KCNAB1: variants seen among roughly 807,000 people sequenced by gnomAD.
The protein encoded by KCNAB1 is potassium voltage-gated channel subfamily A regulatory beta subunit 1.
KCNAB1 carries 35 observed loss-of-function variants against 64.6 expected under a neutral mutation model. That is an observed-to-expected ratio of 0.54 (90% CI 0.41 to 0.72). KCNAB1 has a LOEUF of 0.72. KCNAB1 is among the 30% of genes least tolerant of loss of function. The probability of loss-of-function intolerance (pLI) is 0.00; values close to 1 mark genes in which losing one functional copy is unlikely to be tolerated. For missense variants in KCNAB1, 401 were observed against 512.9 expected, an observed-to-expected ratio of 0.78 and a Z score of 2.11; for synonymous variants, 177 against 183.8, an observed-to-expected ratio of 0.96 and a Z score of 0.30.
chr3:156,518,375 G>C (rs1000073000), intron 11 of KCNAB1, among the ~76,000 whole-genome samples: 1 of 151,796 alleles, frequency 6.6e-6, no homozygotes, highest in South Asian at 2.1e-4. Context: ...CTTGAGTATC[G>C]TTACCAGAGC....
At chr3:156,259,523 T>C (rs142256500) in intron 1 of KCNAB1, among the ~76,000 whole-genome samples, 229 of 152,270 alleles carry the variant, frequency 1.5e-3, no homozygotes, top group Non-Finnish European at 2.6e-3. Context: ...TGCTAAGGGC[T>C]GGGAGAAACA....
At chr3:156,367,043 G>A (rs973025191) in intron 1 of KCNAB1, among the ~76,000 whole-genome samples, 16 of 152,100 alleles carry the variant, frequency 1.1e-4, no homozygotes, top group Non-Finnish European at 7.3e-5. Flanking sequence ...ACCTGGGCAG[G>A]TTGATTAGAT....
At chr3:156,215,716 A>C (rs1475909186) in intron 1 of KCNAB1, 2 of 152,314 alleles carry the variant, frequency 1.3e-5, no homozygotes, top group East Asian at 3.8e-4. Flanking sequence ...AACATCCACC[A>C]CTGCAGTGGC....
rs1577624282 is a variant in KCNAB1, at chr3:156,137,686, C to T, written c.275+16800C>T. 2.6e-5 allele frequency among the ~76,000 whole-genome samples: 4 copies of T among 151,154 alleles called. No homozygotes were observed. In the South Asian group the frequency reaches 6.3e-4, roughly 24 times the overall value. ...TCAGCCTTCCAAGTAGCTGGGATTA[C>T]AGGCACCCGCTACCACGTCTGGCTA... On this transcript the variant is annotated intron_variant, in intron 1 of 13. Transcript: ENST00000490337.
At chr3:156,506,453 G>A (rs1716841630) in intron 8 of KCNAB1, among the ~76,000 whole-genome samples, 1 of 151,392 alleles carries the variant, frequency 6.6e-6, no homozygotes, top group African/African-American at 2.4e-5. Flanking sequence ...ATCATATTTG[G>A]GCAATATCAA....
intron 1 of KCNAB1, among the ~76,000 whole-genome samples, chr3:156,165,617 T>A (rs1711525782): frequency 6.6e-6 from 1 of 152,228 alleles, no homozygotes; most frequent in Admixed American, 6.5e-5. Flanking sequence ...GAAGTTTTAC[T>A]CCATTGATCA....
chr3:156,500,357 A>G (rs1716316571), intron 8 of KCNAB1, among the ~76,000 whole-genome samples: 1 of 152,220 alleles, frequency 6.6e-6, no homozygotes, highest in South Asian at 2.1e-4. Context: ...CTGCATTTCC[A>G]GTGACATGAG....
At chr3:156,139,358 G>C (rs934868859) in intron 1 of KCNAB1, among the ~76,000 whole-genome samples, 9 of 152,096 alleles carry the variant, frequency 5.9e-5, no homozygotes, top group Admixed American at 5.9e-4. Flanking sequence ...GGGACACATG[G>C]GAGAGGGCTC....
At chr3:156,195,185 T>C (rs926604567) in intron 1 of KCNAB1, among the ~76,000 whole-genome samples, 4 of 152,208 alleles carry the variant, frequency 2.6e-5, no homozygotes, top group Non-Finnish European at 5.9e-5. Context: ...CAGTTTATCA[T>C]TGATGGACAT....
chr3:156,164,735 G>A (rs959803829), intron 1 of KCNAB1, among the ~76,000 whole-genome samples: 9 of 152,108 alleles, frequency 5.9e-5, no homozygotes, highest in Non-Finnish European at 1.2e-4. Flanking sequence ...CTAGGGCTCA[G>A]GACTCTTTTT....
At chr3:156,509,862 G>A (rs1559921982) in intron 8 of KCNAB1, among the ~76,000 whole-genome samples, 1 of 152,200 alleles carries the variant, frequency 6.6e-6, no homozygotes, top group Non-Finnish European at 1.5e-5. Context: ...ACAGTATCTA[G>A]AAGACAGTTG....
chr3:156,489,973 C>T (rs2108349575), intron 8 of KCNAB1, among the ~76,000 whole-genome samples: 1 of 152,154 alleles, frequency 6.6e-6, no homozygotes, highest in East Asian at 1.9e-4. Flanking sequence ...AGCTCATGTC[C>T]CCAGGTCTGC....
intron 2 of KCNAB1, among the ~76,000 whole-genome samples, chr3:156,427,503 T>C (rs533358253): frequency 5.9e-5 from 9 of 152,334 alleles, no homozygotes; most frequent in African/African-American, 2.2e-4. Flanking sequence ...GATCACAGTA[T>C]CTGGCTAGTA....
At chr3:156,419,508 A>AAG in intron 1 of KCNAB1, among the ~76,000 whole-genome samples, 1 of 143,612 alleles carries the variant, frequency 7.0e-6, no homozygotes, top group African/African-American at 2.7e-5. Flanking sequence ...CTCAAAAAAA[A>AAG]AGAAAAAAAA....
intron 1 of KCNAB1, among the ~76,000 whole-genome samples, chr3:156,330,233 C>A (rs1308352369): frequency 6.6e-6 from 1 of 152,064 alleles, no homozygotes; most frequent in Non-Finnish European, 1.5e-5. Context: ...TAAATTATAA[C>A]CTTTTCCTCA....
intron 1 of KCNAB1, among the ~76,000 whole-genome samples, chr3:156,299,154 C>G (rs1478352620): frequency 7.9e-5 from 12 of 152,250 alleles, no homozygotes; most frequent in Admixed American, 7.8e-4. Flanking sequence ...TCCTTATGCT[C>G]CTTTCGCTTC....
intron 2 of KCNAB1, chr3:156,446,178 G>C (rs1054466762): frequency 2.6e-5 from 4 of 152,282 alleles, no homozygotes; most frequent in Admixed American, 6.5e-5. Flanking sequence ...TAGCTCAAAG[G>C]AGAACATGCT....
At chr3:156,363,111 T>C (rs2108110964) in intron 1 of KCNAB1, among the ~76,000 whole-genome samples, 1 of 152,312 alleles carries the variant, frequency 6.6e-6, no homozygotes, top group South Asian at 2.1e-4. Flanking sequence ...AAAGAAACCA[T>C]TACATTGCCT....
intron 3 of KCNAB1, among the ~76,000 whole-genome samples, chr3:156,454,308 C>A (rs865982224): frequency 5.3e-5 from 8 of 152,154 alleles, no homozygotes; most frequent in African/African-American, 1.9e-4. Context: ...TCAGCCAACT[C>A]CATGGGGATC....
Sources: allele counts gnomAD v4.1 joint callset (sites outside exome capture counted in the v4.1 genomes callset), GRCh38; gene constraint gnomAD v4.1.1; transcripts MANE v1.5; gene names NCBI Gene and HGNC (gene_info 2026-07-23, HGNC 2026-07-21).